Variants in SCN9A observed in about 807,000 individuals in gnomAD.
SCN9A encodes the protein sodium channel protein type 9 subunit alpha.
In SCN9A, 131 loss-of-function variants were observed where a neutral mutation model predicts 187.0. That is an observed-to-expected ratio of 0.70 (90% CI 0.61 to 0.81). The LOEUF is 0.81. Among genes scored for constraint, SCN9A ranks in the 30% least tolerant of loss-of-function variants. SCN9A has a pLI of 0.00. For synonymous variants in SCN9A, 809 were observed against 808.6 expected (o/e 1.00, Z -0.01); for missense variants, 2,252 against 2,396.6 (o/e 0.94, Z 1.26).
chr2:166,343,693 G>C (rs547253736), intron 1 of SCN9A, among the ~76,000 whole-genome samples: 12 of 152,246 alleles, frequency 7.9e-5, no homozygotes, highest in African/African-American at 2.9e-4. Flanking sequence ...CTACTCAAGA[G>C]GCTGAGACAG....
chr2:166,272,412 T>A lies in SCN9A; in HGVS notation c.3338A>T (p.Glu1113Val). The A allele has an allele frequency of 6.3e-7, 1 of 1,587,830 alleles. No individual in the cohort carries two copies. Among genetic ancestry groups the A allele is most frequent in the Non-Finnish European group, 8.6e-7 (1 of 1,163,306 alleles). The change falls in exon 17 of 27, where the codon GAA (glutamate) becomes GTA (valine). Residue 1113 changes from glutamate to valine, a missense_variant. Glu to Val is a moderately radical substitution (Grantham distance 121). Coordinates refer to ENST00000642356, the MANE Select transcript of SCN9A (RefSeq NM_001365536.1). ...AEELSSDSDS[E>V]YSKVRLNRSS... ...AAGCATTCTTACCACTTTGCTGTAT[T>A]CACTATCCGAATCACTGCTAAGTTC... is the stretch of plus-strand genomic sequence containing the variant.
At chr2:166,263,250 C>A (rs1696592767) in intron 17 of SCN9A, among the ~76,000 whole-genome samples, 1 of 151,948 alleles carries the variant, frequency 6.6e-6, no homozygotes, top group South Asian at 2.1e-4. Flanking sequence ...CTCTCTCTGC[C>A]CAATAATTTT....
In SCN9A at chr2:166,307,058, T is replaced by C; in HGVS notation, c.275A>G (p.Asn92Ser). The C allele has an allele frequency of 6.2e-7, 1 of 1,600,348 alleles. No homozygotes were observed. The highest frequency in any genetic ancestry group is 8.6e-7 in the Non-Finnish European group (1 of 1,168,262). Residue 92 changes from asparagine to serine, a missense_variant, in exon 3 of 27, where the codon AAC becomes AGC. By Grantham distance (46) the Asn-to-Ser change is conservative (BLOSUM62 1). Around this residue, in one of 7 missense-constraint regions of SCN9A, gnomAD observed 1,013 missense variants for 997.4 expected, o/e 1.02. Transcript: ENST00000642356. Reference protein sequence around the residue: ...YADKKTFIVLNKGKTIFRFNA... With the variant: ...YADKKTFIVLSKGKTIFRFNA... ...GAAACGGAAGATTGTTTTCCCTTTG[T>C]TCAATACTATGAAAGTCTGCAGGAG...
intron 17 of SCN9A, among the ~76,000 whole-genome samples, chr2:166,266,037 G>A (rs1289394332): frequency 6.6e-6 from 1 of 151,536 alleles, no homozygotes; most frequent in Non-Finnish European, 1.5e-5. Context: ...TTGATTGTTT[G>A]CCTTGCTGTG....
At chr2:166,316,453 G>A (rs1699109882) in intron 1 of SCN9A, among the ~76,000 whole-genome samples, 1 of 152,216 alleles carries the variant, frequency 6.6e-6, no homozygotes, top group African/African-American at 2.4e-5. Context: ...CCAGAACTTT[G>A]GGAGGCCCAG....
At chr2:166,247,661 C>T (rs4564791) in intron 18 of SCN9A, among the ~76,000 whole-genome samples, 120,079 of 152,014 alleles carry the variant, frequency 0.79, 48,026 homozygotes, top group Non-Finnish European at 0.85. Context: ...GGACTACAGG[C>T]GCTCACCACC....
At chr2:166,207,233 G>A (rs1693849221) in intron 24 of SCN9A, among the ~76,000 whole-genome samples, 1 of 152,020 alleles carries the variant, frequency 6.6e-6, no homozygotes, top group African/African-American at 2.4e-5. Context: ...TACTTAACTT[G>A]TAGGGTGCTG....
At chr2:166,348,748 G>A (rs770014639) in intron 1 of SCN9A, among the ~76,000 whole-genome samples, 29 of 152,066 alleles carry the variant, frequency 1.9e-4, no homozygotes, top group Admixed American at 5.2e-4. Context: ...TCCTAGATAG[G>A]TGGCTATGCT....
rs1421921743 is a variant in SCN9A, at chr2:166,280,529, C to A, written c.2171G>T (p.Trp724Leu). Residue 724 changes from tryptophan (W) to leucine (L), a missense_variant, in exon 14 of 27, where the codon TGG (tryptophan) becomes TTG (leucine). Transcript: ENST00000642356. ...TTTTATCCAATATGGAGAGCAATTC[C>A]AGATCAAGAATTTGTGTGCAAATCT... Reference protein sequence around the residue: ...WYRFAHKFLIWNCSPYWIKFK... With the variant: ...WYRFAHKFLILNCSPYWIKFK... The A allele has an allele frequency of 6.3e-7, 1 of 1,592,256 alleles. No individual in the cohort carries two copies. Among genetic ancestry groups the A allele is most frequent in the Non-Finnish European group, 8.6e-7 (1 of 1,167,574 alleles).
At chr2:166,336,778 A>G (rs1699639637) in intron 1 of SCN9A, among the ~76,000 whole-genome samples, 1 of 152,114 alleles carries the variant, frequency 6.6e-6, no homozygotes, top group Non-Finnish European at 1.5e-5. Context: ...TTCCAGTGTC[A>G]TCCAGTGATT....
At position 166,293,469 on chromosome 2, in the gene SCN9A, G is replaced by T. The variant is rs916223381; in HGVS notation, c.966-97C>A. ...TACAAACTCAAGGTTTCTTCTATAG[G>T]GGGACAATATTGAATAAGGATTAAG... On this transcript the variant is annotated intron_variant, in intron 8 of 26. Transcript: ENST00000642356. 8 of 1,040,972 alleles carry T rather than the reference G, an allele frequency of 7.7e-6. No homozygotes were observed. In the Admixed American group the frequency reaches 1.2e-4, roughly 15 times the overall value. 64.5% of individuals were successfully genotyped at this position (1,040,972 alleles called of 1,614,324 possible). A position where few individuals can be genotyped will look rare whatever the true frequency, so the allele number is the denominator to read the frequency against.
intron 1 of SCN9A, among the ~76,000 whole-genome samples, chr2:166,347,445 G>T (rs1272242101): frequency 6.6e-6 from 1 of 152,152 alleles, no homozygotes; most frequent in Admixed American, 6.5e-5. Context: ...TTTTCATGCA[G>T]AAAATCACCC....
intron 1 of SCN9A, among the ~76,000 whole-genome samples, chr2:166,318,363 C>T (rs930912933): frequency 6.6e-6 from 1 of 151,990 alleles, no homozygotes; most frequent in African/African-American, 2.4e-5. Context: ...AGATGCAAAC[C>T]TGGCCAACAC....
At chr2:166,313,729 T>C (rs1388814061) in intron 1 of SCN9A, among the ~76,000 whole-genome samples, 25 of 152,190 alleles carry the variant, frequency 1.6e-4, no homozygotes, top group Admixed American at 1.6e-3. Flanking sequence ...TTGATTTCCT[T>C]CAAGAATGTT....
chr2:166,340,576 TTCTTTCTTTCTTTC>T (rs1699752639), intron 1 of SCN9A, among the ~76,000 whole-genome samples: 1 of 83,944 alleles, frequency 1.2e-5, no homozygotes, highest in Non-Finnish European at 2.3e-5. Context: ...CTTTCTTTCT[TTCTTTCTTTCTTTC>T]TTTCTTTCTT....
At chr2:166,364,162 A>T (rs933059813) in intron 1 of SCN9A, among the ~76,000 whole-genome samples, 2 of 73,650 alleles carry the variant, frequency 2.7e-5, no homozygotes, top group East Asian at 3.0e-4. Flanking sequence ...GTTATTGTTT[A>T]AAAAAAAAAA....
In SCN9A at chr2:166,305,834, C is replaced by T. The variant is rs73969684; in HGVS notation, c.554G>A (p.Arg185His). 2.4e-3 allele frequency: 3,870 copies of T among 1,613,182 alleles called. 15 individuals are homozygous for T. The highest frequency in any genetic ancestry group is 0.013 in the African/African-American group (1,006 of 74,876). ...GFCVGEFTFLRDPWNWLDFVV... is the reference protein window; with the variant it reads ...GFCVGEFTFLHDPWNWLDFVV... ...AAAATCCAGCCAGTTCCACGGGTCACGAAGAAAAGTGAATTCTCCTACACA... is the reference window on the plus strand; with the variant it reads ...AAAATCCAGCCAGTTCCACGGGTCATGAAGAAAAGTGAATTCTCCTACACA... The change falls in exon 5 of 27, where the codon CGT becomes CAT. Residue 185 changes from arginine to histidine, a missense_variant. Transcript: ENST00000642356.
rs1468977121 is a variant in SCN9A at position 166,256,424 on chromosome 2, G to A, written c.3352-4539C>T. Among the ~76,000 whole-genome samples the A allele has an allele frequency of 2.7e-5, 4 of 150,554 alleles. No homozygotes were observed. In the East Asian group the frequency reaches 5.9e-4, roughly 22 times the overall value. On this transcript the variant is annotated intron_variant, in intron 17 of 26. Coordinates refer to ENST00000642356, the MANE Select transcript of SCN9A (RefSeq NM_001365536.1). ...AAATCACTGAAGCTCAGGAATTTCA[G>A]GAAAAAAATGGAAATAATTAAAAAA...
chr2:166,251,681 A>C, intron 18 of SCN9A, 84 bp downstream of exon 18: 1 of 1,449,056 alleles, frequency 6.9e-7, no homozygotes, highest in East Asian at 2.3e-5. Context: ...ACTTACCGAC[A>C]ACCTCTGGTA....
Sources: allele counts gnomAD v4.1 joint callset (sites outside exome capture counted in the v4.1 genomes callset), GRCh38; gene constraint gnomAD v4.1.1; regional missense constraint gnomAD v4.1.1; transcripts MANE v1.5; gene names NCBI Gene and HGNC (gene_info 2026-07-23, HGNC 2026-07-21).